The following PPP2R2B variants were observed in gnomAD, a reference collection of about 807,000 sequenced individuals.
The protein encoded by PPP2R2B is protein phosphatase 2 regulatory subunit Bbeta.
In PPP2R2B, 5 loss-of-function variants were observed where a neutral mutation model predicts 46.0. The ratio of observed to expected loss-of-function variants is 0.11; its 90% CI spans 0.06 to 0.23. The LOEUF (loss-of-function observed/expected upper bound fraction) is 0.23, where lower values mean the gene tolerates loss of function less well. Ranked by LOEUF, PPP2R2B falls within the 10% of genes least tolerant of loss-of-function variation. PPP2R2B has a pLI of 1.00. For synonymous variants in PPP2R2B, 215 were observed against 206.7 expected, an observed-to-expected ratio of 1.04 and a Z score of -0.34; for missense variants, 367 against 575.0, an observed-to-expected ratio of 0.64 and a Z score of 3.70.
At chr5:146,785,362 C>G (rs1024149048) in intron 2 of PPP2R2B, among the ~76,000 whole-genome samples, 1 of 152,068 alleles carries the variant, frequency 6.6e-6, no homozygotes, top group African/African-American at 2.4e-5. Flanking sequence ...GCTTGGGCAA[C>G]ATAGTGAAAC....
rs149203642 is a variant in PPP2R2B at position 147,081,126 on chromosome 5, T to A, written c.-18A>T. 1.9e-3 allele frequency: 2,974 copies of A among 1,535,564 alleles called. 11 individuals are homozygous for A. Among genetic ancestry groups the A allele is most frequent in the Admixed American group, 5.8e-3 (298 of 50,984 alleles). On this transcript the variant is annotated 5_prime_UTR_variant, in exon 2 of 11. Coordinates refer to the PPP2R2B transcript ENST00000394413. ...AGCACCATAGTGTGTCCTGGGTGAG[T>A]GTCCCAATTCCTGAAAACAACACAA...
At chr5:146,830,564 G>A (rs576696190) in intron 2 of PPP2R2B, among the ~76,000 whole-genome samples, 12 of 148,818 alleles carry the variant, frequency 8.1e-5, no homozygotes, top group South Asian at 2.1e-4. Flanking sequence ...TCACTCTGTC[G>A]CCCAGGCTGG....
intron 2 of PPP2R2B, among the ~76,000 whole-genome samples, chr5:147,077,306 ACACACCCACACC>A (rs768095229): frequency 1.3e-4 from 18 of 141,128 alleles, no homozygotes; most frequent in African/African-American, 4.4e-4. Context: ...ACACACACAC[ACACACCCACACC>A]CACACCCCTA....
At chr5:146,913,754 T>C (rs925585428) in intron 1 of PPP2R2B, among the ~76,000 whole-genome samples, 7 of 152,208 alleles carry the variant, frequency 4.6e-5, no homozygotes, top group African/African-American at 1.7e-4. Flanking sequence ...GCCCAATCAT[T>C]CAACTTTAAG....
At chr5:146,790,130 T>G (rs1756101307) in intron 2 of PPP2R2B, among the ~76,000 whole-genome samples, 1 of 152,194 alleles carries the variant, frequency 6.6e-6, no homozygotes, top group Admixed American at 6.5e-5. Flanking sequence ...GCTCTGTGTA[T>G]GAATGTAAAA....
At chr5:146,748,381 T>C (rs1753325322) in intron 2 of PPP2R2B, among the ~76,000 whole-genome samples, 1 of 152,122 alleles carries the variant, frequency 6.6e-6, no homozygotes, top group African/African-American at 2.4e-5. Flanking sequence ...TGCAAAACTA[T>C]AGGACTATAT....
intron 2 of PPP2R2B, chr5:147,080,924 C>A (rs1757951935): frequency 5.3e-6 from 4 of 753,558 alleles, no homozygotes; most frequent in South Asian, 1.9e-5. Flanking sequence ...GTTATTAAAT[C>A]CATTTCTAGC....
chr5:146,997,308 C>G (rs1753966839), intron 1 of PPP2R2B, among the ~76,000 whole-genome samples: 1 of 152,296 alleles, frequency 6.6e-6, no homozygotes, highest in South Asian at 2.1e-4. Context: ...GAGCCACTCT[C>G]TACTCTGACC....
At chr5:146,733,734 C>T (rs6872998) in intron 2 of PPP2R2B, among the ~76,000 whole-genome samples, 6 of 141,196 alleles carry the variant, frequency 4.2e-5, no homozygotes, top group East Asian at 2.3e-4. Context: ...AACACACACA[C>T]GTCATTTATA....
At chr5:146,894,002 C>T (rs928025063) in intron 1 of PPP2R2B, among the ~76,000 whole-genome samples, 1 of 151,866 alleles carries the variant, frequency 6.6e-6, no homozygotes, top group Admixed American at 6.6e-5. Flanking sequence ...GCCAAGATTG[C>T]GCTGCTACAC....
chr5:147,043,937 C>T (rs1351796291), intron 1 of PPP2R2B, among the ~76,000 whole-genome samples: 5 of 151,948 alleles, frequency 3.3e-5, no homozygotes, highest in Non-Finnish European at 5.9e-5. Context: ...CTCCTGCTTG[C>T]TAACTATGTG....
At chr5:146,988,485 A>G (rs1753533753) in intron 1 of PPP2R2B, among the ~76,000 whole-genome samples, 2 of 152,028 alleles carry the variant, frequency 1.3e-5, no homozygotes, top group Non-Finnish European at 2.9e-5. Flanking sequence ...GTTCAAATAT[A>G]TAGAAATTAA....
chr5:147,040,798 T>C (rs1016422284), intron 1 of PPP2R2B: 37 of 430,322 alleles, frequency 8.6e-5, no homozygotes, highest in Non-Finnish European at 1.5e-4. Context: ...CAAGAAAAGA[T>C]GAGTTTCCTT....
intron 2 of PPP2R2B, among the ~76,000 whole-genome samples, chr5:146,705,630 C>T (rs868080005): frequency 1.3e-4 from 20 of 152,258 alleles, no homozygotes; most frequent in Middle Eastern, 3.4e-3. Flanking sequence ...TCCTGGATCA[C>T]GGTCCAAAGT....
At chr5:146,853,917 C>A (rs1315795266) in intron 2 of PPP2R2B, among the ~76,000 whole-genome samples, 1 of 151,908 alleles carries the variant, frequency 6.6e-6, no homozygotes, top group Non-Finnish European at 1.5e-5. Context: ...TGCTCTGAGC[C>A]CTCTTATGTC....
intron 1 of PPP2R2B, among the ~76,000 whole-genome samples, chr5:146,906,798 C>A (rs915284892): frequency 6.6e-6 from 1 of 152,190 alleles, no homozygotes; most frequent in African/African-American, 2.4e-5. Context: ...ACTGTTCTAC[C>A]TCATGACTGT....
chr5:146,752,790 C>T (rs1365820543), intron 2 of PPP2R2B, among the ~76,000 whole-genome samples: 3 of 152,162 alleles, frequency 2.0e-5, no homozygotes, highest in African/African-American at 4.8e-5. Context: ...TGCCTGCAGC[C>T]TCATGGAGCT....
intron 2 of PPP2R2B, among the ~76,000 whole-genome samples, chr5:146,729,537 C>T (rs1752099934): frequency 6.6e-6 from 1 of 152,176 alleles, no homozygotes; most frequent in Non-Finnish European, 1.5e-5. Flanking sequence ...CATGACAGCC[C>T]CTCCCATCAC....
intron 2 of PPP2R2B, among the ~76,000 whole-genome samples, chr5:146,842,687 T>C (rs1475720272): frequency 1.3e-5 from 2 of 152,124 alleles, no homozygotes; most frequent in Non-Finnish European, 1.5e-5. Flanking sequence ...TTCCTCTCTA[T>C]GTATCCGTGT....
Sources: gnomAD v4.1 joint callset for allele counts (sites outside exome capture counted in the v4.1 genomes callset) on GRCh38, gnomAD v4.1.1 for gene constraint, MANE v1.5 for transcripts, NCBI Gene and HGNC (gene_info 2026-07-23, HGNC 2026-07-21) for gene names.